GAS7: variants seen among roughly 807,000 people sequenced by gnomAD.
GAS7 encodes the protein growth arrest specific 7.
In GAS7, 28 loss-of-function variants were observed where a neutral mutation model predicts 71.1. The observed-to-expected ratio is 0.39, with a 90% CI of 0.29 to 0.54. The LOEUF (loss-of-function observed/expected upper bound fraction) is 0.54, where lower values mean the gene tolerates loss of function less well. GAS7 is among the 20% of genes least tolerant of loss of function. GAS7 has a pLI of 0.62. For synonymous variants in GAS7, 258 were observed against 245.8 expected (o/e 1.05, Z -0.46); for missense variants, 436 against 627.8 (o/e 0.69, Z 3.27).
chr17:10,138,538 G>A (rs1175459496), intron 1 of GAS7, among the ~76,000 whole-genome samples: 1 of 152,032 alleles, frequency 6.6e-6, no homozygotes, highest in East Asian at 1.9e-4. Flanking sequence ...GCCGAGGTGG[G>A]CAGATCATGG....
intron 9 of GAS7, among the ~76,000 whole-genome samples, chr17:9,930,673 T>C (rs2068176816): frequency 6.6e-6 from 1 of 152,206 alleles, no homozygotes; most frequent in Non-Finnish European, 1.5e-5. Context: ...CTTAAAGAGC[T>C]TTTACCCCTG....
chr17:10,045,981 A>G (rs547771922), intron 1 of GAS7, among the ~76,000 whole-genome samples: 81 of 152,296 alleles, frequency 5.3e-4, no homozygotes, highest in African/African-American at 1.9e-3. Context: ...TCTACTACAC[A>G]CTAAAATAAA....
At chr17:10,155,217 T>C (rs1280052285) in intron 1 of GAS7, among the ~76,000 whole-genome samples, 4 of 152,130 alleles carry the variant, frequency 2.6e-5, no homozygotes, top group African/African-American at 9.7e-5. Flanking sequence ...GGTTTCACCA[T>C]GTTGGCCAGG....
In GAS7 at chr17:9,918,059, C is replaced by T. The variant is rs200175032; in HGVS notation, c.1259G>A (p.Arg420Gln). The T allele has an allele frequency of 3.2e-5, 51 of 1,613,860 alleles. No individual in the cohort carries two copies. The highest frequency in any genetic ancestry group is 1.2e-4 in the African/African-American group (9 of 74,942). Residue 420 changes from arginine (R) to glutamine (Q), a missense_variant, in exon 13 of 14, where the codon CGG becomes CAG. Arg to Gln is a conservative substitution (Grantham distance 43). Transcript: ENST00000432992. ...CTGCGTGTACTGGCACAGGTGCTGC[C>T]GGATCATCTCTACCCTCTCCACCTC... is the stretch of plus-strand genomic sequence containing the variant. The part of the protein sequence containing the change: ...RLEVERVEMI[R>Q]QHLCQYTQLR...
At chr17:10,039,916 C>T (rs935900173) in intron 1 of GAS7, 1 of 324,706 alleles carries the variant, frequency 3.1e-6, no homozygotes, top group Non-Finnish European at 6.2e-6. Flanking sequence ...ATCCCACCTT[C>T]CTGGTCTTTT....
chr17:10,159,104 TAAC>T (rs200153352), intron 1 of GAS7, among the ~76,000 whole-genome samples: 9,279 of 77,194 alleles, frequency 0.12, 467 homozygotes, highest in Middle Eastern at 0.18. Flanking sequence ...ATATTAAAGA[TAAC>T]ACACACGCAC....
intron 1 of GAS7, among the ~76,000 whole-genome samples, chr17:10,143,367 C>T (rs1310051923): frequency 6.6e-6 from 1 of 151,872 alleles, no homozygotes; most frequent in African/African-American, 2.4e-5. Context: ...ATGGTGAAAC[C>T]CCATCTCTAC....
At chr17:9,922,945 C>T (rs1325339591) in intron 11 of GAS7, among the ~76,000 whole-genome samples, 1 of 152,148 alleles carries the variant, frequency 6.6e-6, no homozygotes, top group Non-Finnish European at 1.5e-5. Context: ...GTCTCACTCT[C>T]TTGCCCAGGC....
chr17:10,159,758 G>A (rs1347552079), intron 1 of GAS7, among the ~76,000 whole-genome samples: 1 of 150,412 alleles, frequency 6.6e-6, no homozygotes, highest in Non-Finnish European at 1.5e-5. Flanking sequence ...TTATGAAAAC[G>A]CATCAAACTA....
In GAS7 at chr17:10,005,159, G is replaced by GTATGTACATGCATACATGCATGTGTA. The variant is rs1360697061; in HGVS notation, c.304+14617_304+14618insTACACATGCATGTATGCATGTACATA. ...TGTGCGCGCACGCATGCATGCATGT[G>GTATGTACATGCATACATGCATGTGTA]TGTGCGCACGCATGCATGTATGTGT... On this transcript the variant is annotated intron_variant, in intron 2 of 13. Coordinates refer to ENST00000432992, the MANE Select transcript of GAS7 (RefSeq NM_201433.2). 1.3e-3 allele frequency among the ~76,000 whole-genome samples: 96 copies of GTATGTACATGCATACATGCATGTGTA among 74,686 alleles called. 1 individual carries two copies. The highest frequency in any genetic ancestry group is 2.5e-3 in the African/African-American group (87 of 35,348). 49.0% of individuals were successfully genotyped at this position (74,686 alleles called of 152,430 possible).
At chr17:10,113,685 A>G (rs1162407912) in intron 1 of GAS7, among the ~76,000 whole-genome samples, 1 of 152,124 alleles carries the variant, frequency 6.6e-6, no homozygotes, top group Admixed American at 6.6e-5. Flanking sequence ...AAAATGAAAC[A>G]TATTTGGAAA....
intron 1 of GAS7, among the ~76,000 whole-genome samples, chr17:10,151,153 A>T (rs768635464): frequency 5.3e-5 from 8 of 152,012 alleles, no homozygotes; most frequent in Non-Finnish European, 1.2e-4. Context: ...CAGATGTCAG[A>T]CTTCTTCTTT....
chr17:9,918,148 T>TG (rs1214412524), intron 12 of GAS7, 49 bp from the exon 13 acceptor site: 1 of 1,371,324 alleles, frequency 7.3e-7, no homozygotes, highest in Admixed American at 1.7e-5. Context: ...CCCCTCCACT[T>TG]GGGGGTCCCC....
At chr17:10,117,911 G>A (rs1018544181) in intron 1 of GAS7, among the ~76,000 whole-genome samples, 13 of 152,144 alleles carry the variant, frequency 8.5e-5, no homozygotes, top group African/African-American at 3.1e-4. Context: ...GAGAAAAAAA[G>A]GGGAGTCAAG....
At position 9,919,480 on chromosome 17, in the gene GAS7, G is replaced by A. The variant is rs1484617038; in HGVS notation, c.1218+146C>T. 5.6e-6 allele frequency: 4 copies of A among 718,910 alleles called. No individual in the cohort carries two copies. The highest frequency in any genetic ancestry group is 6.2e-4 in the Middle Eastern group (2 of 3,240). The allele number at this position is 718,910 out of a possible 1,614,324, so 44.5% of individuals were successfully genotyped here. A position where few individuals can be genotyped will look rare whatever the true frequency, so the allele number is the denominator to read the frequency against. On this transcript the variant is annotated intron_variant, in intron 12 of 13. Transcript: ENST00000432992. This position sits in a 1 kb window ranked among gnomAD's most constrained non-coding sequence, Gnocchi z 5.0. ...GAATCCACATAAGCTGGCTCACATTGAGGTTTCGACCCCAACACTGAAGTA... is the reference window on the plus strand; with the variant it reads ...GAATCCACATAAGCTGGCTCACATTAAGGTTTCGACCCCAACACTGAAGTA...
rs370673273 is a variant in GAS7 at position 10,005,042 on chromosome 17, C to CATATATATATATATATATAT, written c.304+14734_304+14735insATATATATATATATATATAT. ...CGCTCTCTCTCTCTATATATACATA[C>CATATATATATATATATATAT]ATATATATACACATATATGTGTGTA... On this transcript the variant is annotated intron_variant, in intron 2 of 13. Coordinates refer to ENST00000432992, the MANE Select transcript of GAS7 (RefSeq NM_201433.2). Among the ~76,000 whole-genome samples, 580 of 144,872 alleles carry CATATATATATATATATATAT rather than the reference C, an allele frequency of 4.0e-3. 6 individuals carry two copies. The highest frequency in any genetic ancestry group is 0.02 in the East Asian group (97 of 4,820).
At chr17:9,920,977 C>T (rs1478735165) in intron 11 of GAS7, among the ~76,000 whole-genome samples, 3 of 152,078 alleles carry the variant, frequency 2.0e-5, no homozygotes, top group Non-Finnish European at 2.9e-5. Flanking sequence ...GGCCTAGCTG[C>T]GAACCATACC....
At chr17:9,943,263 TTTAGGGCACG>T in intron 6 of GAS7, 27 bp from the exon 7 acceptor site, 1 of 1,313,224 alleles carries the variant, frequency 7.6e-7, no homozygotes, top group African/African-American at 1.4e-5. Flanking sequence ...AGCACAAGAG[TTTAGGGCACG>T]TCTGAGTCTG....
intron 1 of GAS7, among the ~76,000 whole-genome samples, chr17:10,192,620 C>T (rs1395084226): frequency 7.2e-5 from 11 of 152,120 alleles, no homozygotes; most frequent in East Asian, 1.9e-4. Flanking sequence ...GGATTCCCGC[C>T]GACTTGTTGC....
Sources: gnomAD v4.1 joint callset for allele counts (sites outside exome capture counted in the v4.1 genomes callset) on GRCh38, gnomAD v4.1.1 for gene constraint, Gnocchi (gnomAD v3.1) non-coding constraint, MANE v1.5 for transcripts, NCBI Gene and HGNC (gene_info 2026-07-23, HGNC 2026-07-21) for gene names.